Variants in DLG2 observed in about 807,000 individuals in gnomAD.
The protein encoded by DLG2 is discs large MAGUK scaffold protein 2, also known as disks large homolog 2.
In DLG2, 45 loss-of-function variants were observed where a neutral mutation model predicts 132.5. The observed-to-expected ratio is 0.34, with a 90% CI of 0.27 to 0.44. DLG2 has a LOEUF of 0.44. Among genes scored for constraint, DLG2 ranks in the 20% least tolerant of loss-of-function variants. The probability of loss-of-function intolerance (pLI) is 1.00; values close to 1 mark genes in which losing one functional copy is unlikely to be tolerated. For synonymous variants in DLG2, 424 were observed against 419.6 expected (o/e 1.01, Z -0.13); for missense variants, 1,045 against 1,196.9 (o/e 0.87, Z 1.87).
intron 6 of DLG2, among the ~76,000 whole-genome samples, chr11:84,715,331 T>A (rs1465306024): frequency 6.6e-6 from 1 of 152,064 alleles, no homozygotes; most frequent in Non-Finnish European, 1.5e-5. Context: ...ACAGCCAAAC[T>A]AATTAACATA....
chr11:84,088,434 G>A (rs928851032), intron 10 of DLG2, among the ~76,000 whole-genome samples: 4 of 151,404 alleles, frequency 2.6e-5, no homozygotes, highest in Admixed American at 6.6e-5. Context: ...TTAATATTTC[G>A]GTCAACTCAT....
intron 4 of DLG2, among the ~76,000 whole-genome samples, chr11:85,237,226 A>ATTTATGT (rs2075633981): frequency 6.6e-6 from 1 of 152,064 alleles, no homozygotes; most frequent in African/African-American, 2.4e-5. Flanking sequence ...ATTTACAGGG[A>ATTTATGT]AAGCTCTTAC....
At chr11:84,544,509 G>T (rs1450154311) in intron 6 of DLG2, among the ~76,000 whole-genome samples, 2 of 152,150 alleles carry the variant, frequency 1.3e-5, no homozygotes, top group Non-Finnish European at 2.9e-5. Context: ...AAATAGTAAA[G>T]CTGTGTTTCA....
intron 3 of DLG2, among the ~76,000 whole-genome samples, chr11:85,384,854 G>A (rs1329262263): frequency 6.6e-6 from 1 of 152,138 alleles, no homozygotes; most frequent in East Asian, 1.9e-4. Context: ...TTACAGGCGT[G>A]AGCCACCCCA....
intron 6 of DLG2, among the ~76,000 whole-genome samples, chr11:84,915,772 C>T (rs1375841758): frequency 1.3e-5 from 2 of 152,176 alleles, no homozygotes; most frequent in Non-Finnish European, 1.5e-5. Flanking sequence ...CAAAGAGGTA[C>T]TTTATAAAAT....
chr11:84,737,867 A>G (rs945890348), intron 6 of DLG2, among the ~76,000 whole-genome samples: 5 of 152,122 alleles, frequency 3.3e-5, no homozygotes. Context: ...TCTGGTATAC[A>G]TAACTGGATA....
rs375534935 is a variant in DLG2, at chr11:83,919,081, T to C, written c.1496+11247A>G. Among the ~76,000 whole-genome samples the C allele has an allele frequency of 7.2e-5, 11 of 152,254 alleles. No homozygotes were observed. In the East Asian group the frequency reaches 2.1e-3, roughly 29 times the overall value. ...TGGGAAAACAATAAGGAAAGTGTTG[T>C]ATTGTGAAAGTGTGGAAATGGTTGC... On this transcript the variant is annotated intron_variant, in intron 15 of 27. Coordinates refer to ENST00000376104, the MANE Select transcript of DLG2 (RefSeq NM_001142699.3).
intron 7 of DLG2, among the ~76,000 whole-genome samples, chr11:84,343,778 C>T (rs1203418115): frequency 6.6e-6 from 1 of 152,174 alleles, no homozygotes; most frequent in Admixed American, 6.5e-5. Context: ...ACTCTTCTTA[C>T]ATCCACCTAA....
At chr11:84,390,231 G>C (rs1194215349) in intron 7 of DLG2, among the ~76,000 whole-genome samples, 6 of 152,016 alleles carry the variant, frequency 3.9e-5, no homozygotes, top group African/African-American at 7.2e-5. Context: ...AAAATATCAA[G>C]GAATACTACG....
At chr11:85,604,766 T>C (rs977033828) in intron 2 of DLG2, among the ~76,000 whole-genome samples, 1 of 152,194 alleles carries the variant, frequency 6.6e-6, no homozygotes, top group African/African-American at 2.4e-5. Flanking sequence ...TGTTACATAA[T>C]TAGAACTGTA....
At chr11:85,284,409 A>T (rs2152758924) in intron 4 of DLG2, among the ~76,000 whole-genome samples, 1 of 152,040 alleles carries the variant, frequency 6.6e-6, no homozygotes, top group East Asian at 1.9e-4. Context: ...TCAACATGCT[A>T]TTGATTGGCA....
At chr11:84,759,702 G>A (rs967501920) in intron 6 of DLG2, among the ~76,000 whole-genome samples, 10 of 152,064 alleles carry the variant, frequency 6.6e-5, no homozygotes, top group Non-Finnish European at 1.5e-4. Flanking sequence ...TTTCAAAAGT[G>A]TTAGGCATAA....
intron 9 of DLG2, among the ~76,000 whole-genome samples, chr11:84,127,904 A>C (rs1212359307): frequency 6.6e-6 from 1 of 152,244 alleles, no homozygotes; most frequent in Non-Finnish European, 1.5e-5. Context: ...CATGTTTACA[A>C]GTACTGGAGA....
chr11:85,591,821 T>C (rs1288879279), intron 3 of DLG2, among the ~76,000 whole-genome samples: 1 of 152,226 alleles, frequency 6.6e-6, no homozygotes, highest in Non-Finnish European at 1.5e-5. Flanking sequence ...ACTTCTTCTT[T>C]GTATATAAAC....
chr11:84,676,998 C>T (rs915503433), intron 6 of DLG2, among the ~76,000 whole-genome samples: 2 of 151,896 alleles, frequency 1.3e-5, no homozygotes, highest in African/African-American at 4.8e-5. Context: ...AGAGGTGGGA[C>T]TGGGACAGAT....
chr11:84,651,772 G>C (rs1015413814), intron 6 of DLG2, among the ~76,000 whole-genome samples: 1 of 152,198 alleles, frequency 6.6e-6, no homozygotes, highest in African/African-American at 2.4e-5. Context: ...GACTGGACTA[G>C]AGACATCTAT....
intron 6 of DLG2, among the ~76,000 whole-genome samples, chr11:84,954,942 C>A (rs1223769286): frequency 6.6e-6 from 1 of 152,158 alleles, no homozygotes; most frequent in Non-Finnish European, 1.5e-5. Flanking sequence ...TCTGTAAAGG[C>A]CAGTTAGTAA....
At chr11:85,147,656 G>A (rs1425025673) in intron 5 of DLG2, among the ~76,000 whole-genome samples, 1 of 152,064 alleles carries the variant, frequency 6.6e-6, no homozygotes. Context: ...AATTTTACAG[G>A]TAAAGAAACT....
intron 5 of DLG2, among the ~76,000 whole-genome samples, chr11:85,120,879 T>C (rs1212472497): frequency 6.6e-6 from 1 of 152,040 alleles, no homozygotes; most frequent in African/African-American, 2.4e-5. Context: ...TAGATTATTC[T>C]AAGTCATTTC....
Sources: allele counts gnomAD v4.1 joint callset (sites outside exome capture counted in the v4.1 genomes callset), GRCh38; gene constraint gnomAD v4.1.1; transcripts MANE v1.5; gene names NCBI Gene and HGNC (gene_info 2026-07-23, HGNC 2026-07-21).